ITGB6: variants seen among roughly 807,000 people sequenced by gnomAD.
The protein encoded by ITGB6 is integrin subunit beta 6.
ITGB6 carries 80 observed loss-of-function variants against 84.5 expected under a neutral mutation model. That is an observed-to-expected ratio of 0.95 (90% CI 0.79 to 1.14). The LOEUF (loss-of-function observed/expected upper bound fraction) is 1.14, where lower values mean the gene tolerates loss of function less well. Among genes scored for constraint, ITGB6 ranks in the 50% most tolerant of loss-of-function variants. ITGB6 has a pLI of 0.00. For synonymous variants in ITGB6, 383 were observed against 354.9 expected (o/e 1.08, Z -0.89); for missense variants, 1,006 against 968.0 (o/e 1.04, Z -0.52).
At chr2:160,135,558 T>C (rs10211552) in intron 10 of ITGB6, among the ~76,000 whole-genome samples, 2 of 150,538 alleles carry the variant, frequency 1.3e-5, no homozygotes, top group African/African-American at 4.9e-5. Flanking sequence ...AACTACTTTA[T>C]AGTTCATATG....
chr2:160,164,214 A>G (rs1309856725), intron 7 of ITGB6, among the ~76,000 whole-genome samples: 2 of 152,244 alleles, frequency 1.3e-5, no homozygotes, highest in African/African-American at 4.8e-5. Context: ...GGCAGGCACT[A>G]CGTCTTATTC....
At chr2:160,197,883 T>C (rs977576603) in intron 2 of ITGB6, among the ~76,000 whole-genome samples, 7 of 152,246 alleles carry the variant, frequency 4.6e-5, no homozygotes. Context: ...CCTAATTTAC[T>C]TTTTGCTCCA....
chr2:160,168,082 C>T (rs1559185577), intron 7 of ITGB6, among the ~76,000 whole-genome samples: 1 of 152,176 alleles, frequency 6.6e-6, no homozygotes, highest in Non-Finnish European at 1.5e-5. Context: ...CAGGTGAACC[C>T]ACATGGGCTC....
At chr2:160,114,671 G>A (rs376959961) in intron 12 of ITGB6, among the ~76,000 whole-genome samples, 16 of 152,166 alleles carry the variant, frequency 1.1e-4, no homozygotes, top group South Asian at 2.1e-4. Context: ...CAGTGGGTGC[G>A]CGCACCGTGC....
At chr2:160,106,994 A>G (rs887021875) in intron 14 of ITGB6, among the ~76,000 whole-genome samples, 14 of 152,338 alleles carry the variant, frequency 9.2e-5, no homozygotes, top group Admixed American at 3.9e-4. Flanking sequence ...ATGGGTCTCT[A>G]GAAATGTAAT....
chr2:160,135,833 G>T (rs1683690632), intron 10 of ITGB6, among the ~76,000 whole-genome samples: 2 of 152,194 alleles, frequency 1.3e-5, no homozygotes. Context: ...AATGGTGATG[G>T]GAAAACTGGC....
intron 6 of ITGB6, among the ~76,000 whole-genome samples, chr2:160,172,355 CA>C (rs1467125215): frequency 6.6e-6 from 1 of 152,188 alleles, no homozygotes; most frequent in Admixed American, 6.5e-5. Flanking sequence ...GGATTCATAG[CA>C]GATCTAACTT....
At chr2:160,177,464 A>G (rs562906529) in intron 4 of ITGB6, among the ~76,000 whole-genome samples, 56 of 151,958 alleles carry the variant, frequency 3.7e-4, no homozygotes, top group Non-Finnish European at 3.7e-4. Context: ...CCAGCTACTC[A>G]GGAGGCTGAG....
intron 10 of ITGB6, among the ~76,000 whole-genome samples, chr2:160,134,125 T>C (rs1162694371): frequency 2.6e-5 from 4 of 152,088 alleles, no homozygotes; most frequent in African/African-American, 4.8e-5. Context: ...AGCTGGTTTT[T>C]TGAAAAGATC....
At chr2:160,104,148 G>T (rs1207068840) in intron 14 of ITGB6, among the ~76,000 whole-genome samples, 2 of 152,174 alleles carry the variant, frequency 1.3e-5, no homozygotes. Flanking sequence ...ATTGCTTATA[G>T]GGAGTGATGG....
intron 10 of ITGB6, among the ~76,000 whole-genome samples, chr2:160,128,587 G>A (rs1683329594): frequency 6.6e-6 from 1 of 152,176 alleles, no homozygotes; most frequent in Non-Finnish European, 1.5e-5. Flanking sequence ...GCCCATGGGA[G>A]CAGCAAGGAA....
Position 160,187,836 on chromosome 2 carries a change from A to G in ITGB6, c.593+7533T>C, listed in dbSNP as rs552652407. ...TTCTGTTTTACTTTCTAGTATGATGATTATGGGTATATATAACCATAATCA... is the reference window on the plus strand; with the variant it reads ...TTCTGTTTTACTTTCTAGTATGATGGTTATGGGTATATATAACCATAATCA... On this transcript the variant is annotated intron_variant, in intron 4 of 14. Transcript: ENST00000283249. 3.3e-5 allele frequency among the ~76,000 whole-genome samples: 5 copies of G among 152,300 alleles called. No individual in the cohort carries two copies. The South Asian group carries it at 8.3e-4, about 25-fold the overall frequency.
rs1440017757 is a variant in ITGB6 at position 160,174,092 on chromosome 2, A to G, written c.641T>C (p.Leu214Ser). 4 of 1,612,270 alleles carry G rather than the reference A, an allele frequency of 2.5e-6. No individual in the cohort carries two copies. The Admixed American group carries it at 6.7e-5, about 27-fold the overall frequency. Residue 214 changes from leucine (L) to serine (S), a missense_variant, in exon 5 of 15, where the codon TTG becomes TCG. By Grantham distance (145) the Leu-to-Ser change is moderately radical. Coordinates refer to ENST00000283249, the MANE Select transcript of ITGB6 (RefSeq NM_000888.5). ...TCTTTCAGCATCATTTGTCAATGGC[A>G]AAATGTGCTTGAATCCAAATGTAGG... ...CLPTFGFKHI[L>S]PLTNDAERFN...
At chr2:160,138,325 C>A (rs1045559536) in intron 8 of ITGB6, 126 bp from the exon 9 acceptor site, 9 of 838,252 alleles carry the variant, frequency 1.1e-5, no homozygotes, top group Non-Finnish European at 1.1e-5. Flanking sequence ...TAAAGAAATT[C>A]AGTATATCAT....
At chr2:160,199,425 C>T (rs1487555248) in intron 1 of ITGB6, among the ~76,000 whole-genome samples, 167 bp from the exon 2 acceptor site, 1 of 152,196 alleles carries the variant, frequency 6.6e-6, no homozygotes, top group Non-Finnish European at 1.5e-5. Context: ...TTGTATTTTA[C>T]ATCTATCACA....
In ITGB6 at chr2:160,160,251, T is replaced by A. The variant is rs1042899390; in HGVS notation, c.1017+8961A>T. 3.9e-5 allele frequency among the ~76,000 whole-genome samples: 6 copies of A among 152,304 alleles called. No homozygotes were observed. In the South Asian group the frequency reaches 1.0e-3, roughly 26 times the overall value. ...ATAAAATACAGAATGCTCAGATAAA[T>A]TGGAAAGCAGAGAAACAATGAAAAA... On this transcript the variant is annotated intron_variant, in intron 7 of 14. Coordinates refer to ENST00000283249, the MANE Select transcript of ITGB6 (RefSeq NM_000888.5).
At chr2:160,135,825 T>C (rs1024505762) in intron 10 of ITGB6, among the ~76,000 whole-genome samples, 1 of 152,164 alleles carries the variant, frequency 6.6e-6, no homozygotes, top group Non-Finnish European at 1.5e-5. Flanking sequence ...ATTTAATAAA[T>C]GGTGATGGGA....
At chr2:160,164,420 A>G (rs7590004) in intron 7 of ITGB6, among the ~76,000 whole-genome samples, 3 of 152,132 alleles carry the variant, frequency 2.0e-5, no homozygotes, top group Admixed American at 2.0e-4. Flanking sequence ...GGCTGGGCAC[A>G]GTGGCTCACA....
At position 160,188,085 on chromosome 2, in the gene ITGB6, A is replaced by G. The variant is rs768458728; in HGVS notation, c.593+7284T>C. ...ATTATTCCCGTTTATAGGTAATGAGACTGAGCTCAAAGAGAGTAATGGTTT... is the reference window on the plus strand; with the variant it reads ...ATTATTCCCGTTTATAGGTAATGAGGCTGAGCTCAAAGAGAGTAATGGTTT... On this transcript the variant is annotated intron_variant, in intron 4 of 14. Transcript: ENST00000283249. Among the ~76,000 whole-genome samples, 3 of 152,188 alleles carry G rather than the reference A, an allele frequency of 2.0e-5. No individual in the cohort carries two copies. In the South Asian group the frequency reaches 6.2e-4, roughly 32 times the overall value.
Sources: gnomAD v4.1 joint callset for allele counts (sites outside exome capture counted in the v4.1 genomes callset) on GRCh38, gnomAD v4.1.1 for gene constraint, MANE v1.5 for transcripts, NCBI Gene and HGNC (gene_info 2026-07-23, HGNC 2026-07-21) for gene names.